Variants in WWP2 observed in about 807,000 individuals in gnomAD.
WWP2 encodes the protein WW domain containing E3 ubiquitin protein ligase 2.
WWP2 carries 57 observed loss-of-function variants against 121.0 expected under a neutral mutation model. The observed-to-expected ratio is 0.47, with a 90% CI of 0.38 to 0.59. The LOEUF (loss-of-function observed/expected upper bound fraction) is 0.59. WWP2 is among the 20% of genes least tolerant of loss of function. WWP2 has a pLI of 0.00. For missense variants in WWP2, 962 were observed against 1,158.9 expected, an observed-to-expected ratio of 0.83 and a Z score of 2.47; for synonymous variants, 449 against 441.3, an observed-to-expected ratio of 1.02 and a Z score of -0.22.
intron 1 of WWP2, among the ~76,000 whole-genome samples, chr16:69,783,803 C>T (rs1395526683): frequency 2.6e-5 from 4 of 151,678 alleles, no homozygotes; most frequent in Non-Finnish European, 4.4e-5. Flanking sequence ...ACAACAACAA[C>T]AAAATATTAG....
intron 7 of WWP2, among the ~76,000 whole-genome samples, chr16:69,883,593 T>G (rs2151932613): frequency 6.6e-6 from 1 of 152,200 alleles, no homozygotes; most frequent in East Asian, 1.9e-4. Context: ...AGTTCCGGGG[T>G]ACGTGTACAG....
At chr16:69,787,470 G>A (rs2055818216) in intron 2 of WWP2, among the ~76,000 whole-genome samples, 2 of 152,102 alleles carry the variant, frequency 1.3e-5, no homozygotes, top group Admixed American at 1.3e-4. Flanking sequence ...ATGCTAGCTG[G>A]TCCCAGCTAC....
At chr16:69,912,253 C>T (rs934609517) in intron 9 of WWP2, among the ~76,000 whole-genome samples, 3 of 151,118 alleles carry the variant, frequency 2.0e-5, no homozygotes, top group African/African-American at 4.9e-5. Flanking sequence ...TGCACCACTG[C>T]ACCACTCTAG....
intron 4 of WWP2, among the ~76,000 whole-genome samples, chr16:69,808,089 T>C (rs917865354): frequency 1.3e-5 from 2 of 152,208 alleles, no homozygotes; most frequent in African/African-American, 4.8e-5. Flanking sequence ...CCATTGTCCC[T>C]TCTAGTTAAT....
intron 6 of WWP2, among the ~76,000 whole-genome samples, chr16:69,844,187 C>T (rs557728812): frequency 3.9e-4 from 60 of 152,208 alleles, no homozygotes; most frequent in Non-Finnish European, 6.9e-4. Flanking sequence ...TTCCGTGTCT[C>T]GGTAGGTGAC....
At chr16:69,918,757 T>G (rs1567431796) in intron 10 of WWP2, among the ~76,000 whole-genome samples, 1 of 152,336 alleles carries the variant, frequency 6.6e-6, no homozygotes, top group East Asian at 1.9e-4. Flanking sequence ...CTTCAAACGT[T>G]ACTGTCATTG....
intron 6 of WWP2, among the ~76,000 whole-genome samples, chr16:69,856,056 G>A (rs1597062133): frequency 6.6e-6 from 1 of 152,166 alleles, no homozygotes; most frequent in East Asian, 1.9e-4. Flanking sequence ...AGGATTGCTT[G>A]AGTCCAGGAG....
chr16:69,848,637 TA>T (rs529487746), intron 6 of WWP2, among the ~76,000 whole-genome samples: 18,540 of 81,876 alleles, frequency 0.23, 1,574 homozygotes, highest in African/African-American at 0.36. Flanking sequence ...ATGCTGTTGC[TA>T]AAAAAAAAAA....
intron 7 of WWP2, 74 bp downstream of exon 7, chr16:69,872,005 C>G: frequency 6.5e-7 from 1 of 1,533,214 alleles, no homozygotes; most frequent in Non-Finnish European, 8.8e-7. Flanking sequence ...GACACGGGAT[C>G]CTGCCCACTG....
At chr16:69,841,933 C>G (rs1029045623) in intron 5 of WWP2, 91 bp from the exon 6 acceptor site, 6 of 1,313,076 alleles carry the variant, frequency 4.6e-6, no homozygotes, top group Admixed American at 4.0e-5. Flanking sequence ...CTCTAACACA[C>G]AGACGGAGTT....
At chr16:69,824,812 C>A (rs2056655674) in intron 4 of WWP2, among the ~76,000 whole-genome samples, 1 of 146,666 alleles carries the variant, frequency 6.8e-6, no homozygotes, top group Non-Finnish European at 1.5e-5. Flanking sequence ...ACTCTGTCAC[C>A]CAGACTGCAG....
At chr16:69,826,112 C>G (rs984044594) in intron 4 of WWP2, among the ~76,000 whole-genome samples, 2 of 151,200 alleles carry the variant, frequency 1.3e-5, no homozygotes, top group African/African-American at 4.9e-5. Context: ...ACTAAAAATA[C>G]AAAAATTAGC....
chr16:69,785,788 G>A (rs1176864813), intron 1 of WWP2, among the ~76,000 whole-genome samples: 1 of 151,648 alleles, frequency 6.6e-6, no homozygotes, highest in African/African-American at 2.4e-5. Flanking sequence ...TACCACGCCC[G>A]ACAAATTTGT....
rs1434998092 is a variant in WWP2, at chr16:69,799,126, A to G, written c.219-48A>G. ...TAGTTTAAATGTTTTCTTCTAAGTT[A>G]TAGGAATGATCTGCTTGGATGTAAT... is the stretch of plus-strand genomic sequence containing the variant. On this transcript the variant is annotated intron_variant, in intron 3 of 23. Transcript: ENST00000359154. This position sits in a 1 kb window ranked among gnomAD's most constrained non-coding sequence, Gnocchi z 4.5. 2 of 1,574,864 alleles carry G rather than the reference A, an allele frequency of 1.3e-6. No individual in the cohort carries two copies. The highest frequency in any genetic ancestry group is 2.4e-5 in the South Asian group (2 of 84,882).
intron 1 of WWP2, among the ~76,000 whole-genome samples, chr16:69,768,076 A>T (rs1273699139): frequency 6.6e-6 from 1 of 152,062 alleles, no homozygotes; most frequent in African/African-American, 2.4e-5. Context: ...GGCTCAAGTG[A>T]TCCTCCTGCC....
chr16:69,902,494 G>A (rs549944213), intron 8 of WWP2, among the ~76,000 whole-genome samples: 5 of 152,304 alleles, frequency 3.3e-5, no homozygotes, highest in East Asian at 1.9e-4. Flanking sequence ...CTCATTGAAG[G>A]CCAAGGAGCA....
chr16:69,931,262 G>T lies in WWP2; in HGVS notation c.1521+35G>T, dbSNP rs972929579. On this transcript the variant is annotated intron_variant, in intron 14 of 23. Coordinates refer to ENST00000359154, the MANE Select transcript of WWP2 (RefSeq NM_001270454.2). ...GGTACTGGGGCTCCCGTGGCAGTTG[G>T]GGTTATTGAGTTATTTCAGTGTGAG... The T allele has an allele frequency of 1.9e-6, 3 of 1,611,816 alleles. No homozygotes were observed. The African/African-American group carries it at 4.0e-5, about 22-fold the overall frequency.
chr16:69,909,445 C>G (rs962949825), intron 9 of WWP2: 7 of 985,590 alleles, frequency 7.1e-6, no homozygotes, highest in Non-Finnish European at 8.4e-6. Flanking sequence ...AGTAGGGACT[C>G]TTAGGAGAGC....
intron 2 of WWP2, among the ~76,000 whole-genome samples, chr16:69,787,532 G>T (rs886137648): frequency 1.3e-5 from 2 of 152,230 alleles, no homozygotes; most frequent in Non-Finnish European, 2.9e-5. Context: ...CAAGGCTGCA[G>T]TGAGCTGTGA....
Sources: allele counts gnomAD v4.1 joint callset (sites outside exome capture counted in the v4.1 genomes callset), GRCh38; gene constraint gnomAD v4.1.1; non-coding constraint Gnocchi (gnomAD v3.1); transcripts MANE v1.5; gene names NCBI Gene and HGNC (gene_info 2026-07-23, HGNC 2026-07-21).